KLHL29: variants seen among roughly 807,000 people sequenced by gnomAD.
The protein encoded by KLHL29 is kelch like family member 29, also known as kelch-like protein 29.
In KLHL29, 21 loss-of-function variants were observed where a neutral mutation model predicts 80.4. That is an observed-to-expected ratio of 0.26 (90% CI 0.19 to 0.38). KLHL29 has a LOEUF of 0.38. Ranked by LOEUF, KLHL29 falls within the 10% of genes least tolerant of loss-of-function variation. The probability of loss-of-function intolerance (pLI) is 1.00; values close to 1 mark genes in which losing one functional copy is unlikely to be tolerated. For synonymous variants in KLHL29, 511 were observed against 526.8 expected (o/e 0.97, Z 0.41); for missense variants, 867 against 1,223.9 (o/e 0.71, Z 4.35).
At chr2:23,508,732 G>A (rs980077368) in intron 2 of KLHL29, among the ~76,000 whole-genome samples, 4 of 152,216 alleles carry the variant, frequency 2.6e-5, no homozygotes, top group African/African-American at 7.2e-5. Flanking sequence ...CCTGAGGTGG[G>A]ACCCCACACT....
At chr2:23,533,962 C>T (rs534324465) in intron 2 of KLHL29, among the ~76,000 whole-genome samples, 34 of 149,856 alleles carry the variant, frequency 2.3e-4, no homozygotes, top group Non-Finnish European at 2.4e-4. Flanking sequence ...GAAACGTGTG[C>T]GCTATGAGGT....
chr2:23,538,927 C>G (rs150596897), intron 2 of KLHL29, among the ~76,000 whole-genome samples: 6 of 152,314 alleles, frequency 3.9e-5, no homozygotes, highest in Admixed American at 2.6e-4. Flanking sequence ...GGCTTTAATT[C>G]AGAATTGTTC....
chr2:23,574,593 G>C (rs1332192188), intron 3 of KLHL29, among the ~76,000 whole-genome samples: 1 of 152,102 alleles, frequency 6.6e-6, no homozygotes, highest in African/African-American at 2.4e-5. Flanking sequence ...TTTCTGTTTG[G>C]GATGATACAA....
At chr2:23,620,416 C>A (rs1407844047) in intron 3 of KLHL29, among the ~76,000 whole-genome samples, 2 of 152,030 alleles carry the variant, frequency 1.3e-5, no homozygotes, top group Non-Finnish European at 2.9e-5. Flanking sequence ...CAGGAGAAGG[C>A]AGAGGTGAGG....
chr2:23,701,323 C>A (rs914628705), intron 11 of KLHL29, among the ~76,000 whole-genome samples: 4 of 152,226 alleles, frequency 2.6e-5, no homozygotes, highest in African/African-American at 4.8e-5. Flanking sequence ...AACTAGTCTC[C>A]CCGCTTCTGA....
intron 2 of KLHL29, among the ~76,000 whole-genome samples, chr2:23,486,879 A>T (rs75242747): frequency 0.013 from 1,915 of 152,246 alleles, 41 homozygotes; most frequent in African/African-American, 0.044. Context: ...GGCATGACTG[A>T]GTCTGTGAAC....
intron 1 of KLHL29, among the ~76,000 whole-genome samples, chr2:23,454,466 A>C (rs916836906): frequency 6.6e-6 from 1 of 152,210 alleles, no homozygotes; most frequent in Non-Finnish European, 1.5e-5. Context: ...GATTTTATTT[A>C]AACCCCCAGG....
chr2:23,409,268 T>C (rs1392328576), intron 1 of KLHL29, among the ~76,000 whole-genome samples: 2 of 152,128 alleles, frequency 1.3e-5, no homozygotes, highest in African/African-American at 4.8e-5. Context: ...GGCACTTCAC[T>C]CTCCGCAGCT....
chr2:23,690,578 A>T (rs1671528957), intron 6 of KLHL29: 1 of 152,228 alleles, frequency 6.6e-6, no homozygotes, highest in African/African-American at 2.4e-5. Context: ...TTTCCCAGCC[A>T]CGTGGCCAGG....
intron 3 of KLHL29, among the ~76,000 whole-genome samples, chr2:23,605,336 A>G (rs952643111): frequency 2.2e-4 from 33 of 151,554 alleles, no homozygotes; most frequent in Non-Finnish European, 4.7e-4. Flanking sequence ...GGGCTCAAGC[A>G]GTCCTCCCAC....
chr2:23,465,673 G>C (rs1030783297), intron 1 of KLHL29, among the ~76,000 whole-genome samples: 1 of 152,144 alleles, frequency 6.6e-6, no homozygotes, highest in Non-Finnish European at 1.5e-5. Context: ...AACCACTTCT[G>C]TCAAAATCTT....
At chr2:23,401,600 G>A (rs766007950) in intron 1 of KLHL29, among the ~76,000 whole-genome samples, 5 of 152,232 alleles carry the variant, frequency 3.3e-5, no homozygotes, top group Non-Finnish European at 5.9e-5. Flanking sequence ...ATCTCAGCAA[G>A]TCAGGGCCTG....
At chr2:23,481,707 G>A (rs1056748202) in intron 2 of KLHL29, among the ~76,000 whole-genome samples, 1 of 152,214 alleles carries the variant, frequency 6.6e-6, no homozygotes, top group Admixed American at 6.5e-5. Context: ...TCCGAGGTCA[G>A]GAGTTCGAGA....
At chr2:23,691,581 A>G (rs1272511119) in intron 6 of KLHL29, 93 bp from the exon 7 acceptor site, 2 of 1,071,516 alleles carry the variant, frequency 1.9e-6, no homozygotes, top group African/African-American at 1.6e-5. Flanking sequence ...AACCAAGGGC[A>G]TGACCAAGGT....
At chr2:23,464,554 C>G (rs1313865377) in intron 1 of KLHL29, among the ~76,000 whole-genome samples, 1 of 152,206 alleles carries the variant, frequency 6.6e-6, no homozygotes, top group Admixed American at 6.5e-5. Flanking sequence ...CCTGCCTAAG[C>G]TTTCTGAACC....
intron 3 of KLHL29, among the ~76,000 whole-genome samples, chr2:23,606,887 G>C (rs1335933710): frequency 6.6e-6 from 1 of 152,178 alleles, no homozygotes; most frequent in Admixed American, 6.5e-5. Flanking sequence ...CAACAGAAAT[G>C]TATTTCTCAC....
At chr2:23,398,057 CA>C (rs1393418736) in intron 1 of KLHL29, among the ~76,000 whole-genome samples, 1 of 152,202 alleles carries the variant, frequency 6.6e-6, no homozygotes, top group Non-Finnish European at 1.5e-5. Context: ...GGCCATTCTT[CA>C]AAAAATTAAA....
Position 23,684,787 on chromosome 2 carries a change from C to T in KLHL29, c.1079+250C>T, listed in dbSNP as rs1200405198. Among the ~76,000 whole-genome samples, 1 of 152,160 alleles carries T rather than the reference C, an allele frequency of 6.6e-6. No individual in the cohort carries two copies. Among genetic ancestry groups the T allele is most frequent in the Admixed American group, 6.5e-5 (1 of 15,284 alleles). On this transcript the variant is annotated intron_variant, in intron 6 of 13. Transcript: ENST00000486442. This position sits in a 1 kb window ranked among gnomAD's most constrained non-coding sequence, Gnocchi z 4.4. Reference sequence around the variant, plus strand: ...ACCAGCTTTGCTGGTCACCAGGGGCCTCTGCCAGCAGTAGACAACACCGTG... The same window carrying T: ...ACCAGCTTTGCTGGTCACCAGGGGCTTCTGCCAGCAGTAGACAACACCGTG...
At chr2:23,427,431 C>T (rs557724898) in intron 1 of KLHL29, among the ~76,000 whole-genome samples, 3 of 152,108 alleles carry the variant, frequency 2.0e-5, no homozygotes, top group Admixed American at 1.3e-4. Context: ...TTGATATTGG[C>T]GGAAATAACA....
Sources: gnomAD v4.1 joint callset for allele counts (sites outside exome capture counted in the v4.1 genomes callset) on GRCh38, gnomAD v4.1.1 for gene constraint, Gnocchi (gnomAD v3.1) non-coding constraint, MANE v1.5 for transcripts, NCBI Gene and HGNC (gene_info 2026-07-23, HGNC 2026-07-21) for gene names.